CDK5RAP2: variants seen among roughly 807,000 people sequenced by gnomAD.
The protein encoded by CDK5RAP2 is CDK5 regulatory subunit associated protein 2.
A neutral mutation model predicts 232.9 loss-of-function variants in CDK5RAP2; 147 were observed. The ratio of observed to expected loss-of-function variants is 0.63; its 90% confidence interval spans 0.55 to 0.72. The LOEUF (loss-of-function observed/expected upper bound fraction) is 0.72, where lower values mean the gene tolerates loss of function less well. Among genes scored for constraint, CDK5RAP2 ranks in the 30% least tolerant of loss-of-function variants. CDK5RAP2 has a pLI of 0.00. For missense variants in CDK5RAP2, 2,195 were observed against 2,231.5 expected, an observed-to-expected ratio of 0.98 and a Z score of 0.33; for synonymous variants, 833 against 833.7, an observed-to-expected ratio of 1.00 and a Z score of 0.01.
intron 7 of CDK5RAP2, among the ~76,000 whole-genome samples, chr9:120,534,327 C>T (rs1414205960): frequency 6.6e-6 from 1 of 152,178 alleles, no homozygotes; most frequent in Non-Finnish European, 1.5e-5. Flanking sequence ...TTTCCTTTCT[C>T]TGTCCAAGTA....
intron 7 of CDK5RAP2, among the ~76,000 whole-genome samples, chr9:120,533,096 C>A (rs2041226900): frequency 6.6e-6 from 1 of 152,156 alleles, no homozygotes. Flanking sequence ...CATTCCACGC[C>A]CAGGCAGAGC....
In CDK5RAP2 at chr9:120,465,833, C is replaced by T. The variant is rs116135014; in HGVS notation, c.2106+2027G>A. On this transcript the variant is annotated intron_variant, in intron 18 of 37. Transcript: ENST00000349780. ...CAGCAGTGAGGCAGTTAAGTTTCAG[C>T]ACATTCATAAGAAGGAATGAGATGC... Among the ~76,000 whole-genome samples, 816 of 152,214 alleles carry T rather than the reference C, an allele frequency of 5.4e-3. 9 individuals carry two copies. Among genetic ancestry groups the T allele is most frequent in the African/African-American group, 0.018 (747 of 41,542 alleles).
At chr9:120,408,959 C>T (rs560910970) in intron 30 of CDK5RAP2, among the ~76,000 whole-genome samples, 168 bp downstream of exon 30, 2 of 152,384 alleles carry the variant, frequency 1.3e-5, no homozygotes, top group South Asian at 2.1e-4. Context: ...CTCCTCCTTA[C>T]AGGATCTTTC....
chr9:120,528,649 A>C, intron 9 of CDK5RAP2, 95 bp downstream of exon 9: 1 of 791,322 alleles, frequency 1.3e-6, no homozygotes, highest in Admixed American at 1.9e-5. Context: ...AGTGACAGCT[A>C]CTGTGACACA....
intron 1 of CDK5RAP2, among the ~76,000 whole-genome samples, chr9:120,579,661 A>G (rs1190602480): frequency 6.6e-6 from 1 of 152,160 alleles, no homozygotes; most frequent in Non-Finnish European, 1.5e-5. Flanking sequence ...ACTCTTTCAG[A>G]AAACTCCTTA....
intron 6 of CDK5RAP2, 37 bp downstream of exon 6, chr9:120,539,004 A>C (rs962334204): frequency 1.5e-5 from 24 of 1,610,338 alleles, no homozygotes; most frequent in Non-Finnish European, 2.0e-5. Flanking sequence ...TTAACCCACT[A>C]TAAGAAATAC....
At chr9:120,548,638 T>G (rs570403595) in intron 4 of CDK5RAP2, among the ~76,000 whole-genome samples, 1 of 151,968 alleles carries the variant, frequency 6.6e-6, no homozygotes, top group East Asian at 1.9e-4. Context: ...CAAGACCCCA[T>G]CTCTACAAAA....
At position 120,497,227 on chromosome 9, in the gene CDK5RAP2, G is replaced by T. The variant is rs1270793298; in HGVS notation, c.1312-5750C>A. Among the ~76,000 whole-genome samples, 6 of 131,782 alleles carry T rather than the reference G, an allele frequency of 4.6e-5. 1 individual carries two copies. The highest frequency in any genetic ancestry group is 2.1e-4 in the African/African-American group (6 of 28,506). 86.5% of individuals were successfully genotyped at this position (131,782 alleles called of 152,430 possible). A position where few individuals can be genotyped will look rare whatever the true frequency, so the allele number is the denominator to read the frequency against. ...CTTGAAGGCAGCATGCTCGTTAAGAGTCACCACCACTCCCTAATCTCAAGT... is the reference window on the plus strand; with the variant it reads ...CTTGAAGGCAGCATGCTCGTTAAGATTCACCACCACTCCCTAATCTCAAGT... On this transcript the variant is annotated intron_variant, in intron 12 of 37. Coordinates refer to ENST00000349780, the MANE Select transcript of CDK5RAP2 (RefSeq NM_018249.6).
At chr9:120,455,369 T>TG in intron 20 of CDK5RAP2, among the ~76,000 whole-genome samples, 1 of 126,566 alleles carries the variant, frequency 7.9e-6, no homozygotes, top group South Asian at 2.5e-4. Flanking sequence ...GTACAACACG[T>TG]TAAAAAAAAA....
Position 120,439,568 on chromosome 9 carries a change from T to C in CDK5RAP2, c.3553A>G (p.Ile1185Val), listed in dbSNP as rs1421450342. ...HQVRYVKHVK[I>V]LGPLAPEMID... is the part of the protein sequence containing the mutation. ...ATCTCTGGGGCCAGCGGACCGAGGA[T>C]TTTCACGTGTTTCACGTATCGCACT... Residue 1185 changes from isoleucine to valine, a missense_variant, in exon 24 of 38, where the codon ATC becomes GTC. By Grantham distance (29) the Ile-to-Val change is conservative. Coordinates refer to ENST00000349780, the MANE Select transcript of CDK5RAP2 (RefSeq NM_018249.6). 6.2e-7 allele frequency: 1 copy of C among 1,614,066 alleles called. No individual in the cohort carries two copies. The highest frequency in any genetic ancestry group is 8.5e-7 in the Non-Finnish European group (1 of 1,180,042).
At chr9:120,486,454 C>A (rs1267077629) in intron 14 of CDK5RAP2, among the ~76,000 whole-genome samples, 10 of 150,316 alleles carry the variant, frequency 6.7e-5, no homozygotes, top group Admixed American at 5.3e-4. Flanking sequence ...TAATTCTTTT[C>A]CTTTCCCACA....
intron 24 of CDK5RAP2, among the ~76,000 whole-genome samples, chr9:120,438,099 C>G (rs1037986137): frequency 6.6e-6 from 1 of 152,182 alleles, no homozygotes; most frequent in Non-Finnish European, 1.5e-5. Flanking sequence ...AAACTGACTG[C>G]AAAGCTAATT....
intron 5 of CDK5RAP2, among the ~76,000 whole-genome samples, chr9:120,540,676 G>T (rs2041593457): frequency 6.6e-6 from 1 of 152,154 alleles, no homozygotes; most frequent in South Asian, 2.1e-4. Flanking sequence ...GTCCTCAGTG[G>T]GACTCTGGGT....
At chr9:120,485,175 T>C (rs185184322) in intron 14 of CDK5RAP2, among the ~76,000 whole-genome samples, 1 of 152,314 alleles carries the variant, frequency 6.6e-6, no homozygotes, top group East Asian at 1.9e-4. Flanking sequence ...TTTGTGGTCA[T>C]GTGAAGTACA....
In CDK5RAP2 at chr9:120,491,388, T is replaced by A. The variant is rs1225367644; in HGVS notation, c.1401A>T (p.Glu467Asp). 6.2e-7 allele frequency: 1 copy of A among 1,612,562 alleles called. No individual in the cohort carries two copies. The highest frequency in any genetic ancestry group is 8.5e-7 in the Non-Finnish European group (1 of 1,178,832). Residue 467 changes from glutamate to aspartate, a missense_variant, in exon 13 of 38, where the codon GAA (glutamate) becomes GAT (aspartate). Transcript: ENST00000349780. ...CTTGATTGTGCAATTTTTTATTGCTTTCACTCAGAAGACTCTTGTAACGAT... is the reference window on the plus strand; with the variant it reads ...CTTGATTGTGCAATTTTTTATTGCTATCACTCAGAAGACTCTTGTAACGAT... Reference protein sequence around the residue: ...MENRYKSLLSESNKKLHNQEQ... With the variant: ...MENRYKSLLSDSNKKLHNQEQ...
At chr9:120,440,891 G>C (rs1163435887) in intron 23 of CDK5RAP2, among the ~76,000 whole-genome samples, 1 of 152,178 alleles carries the variant, frequency 6.6e-6, no homozygotes, top group Non-Finnish European at 1.5e-5. Flanking sequence ...TGGCTTCCAG[G>C]AGATGCCCTG....
chr9:120,533,047 CA>C (rs1205871725), intron 7 of CDK5RAP2, among the ~76,000 whole-genome samples: 1 of 152,182 alleles, frequency 6.6e-6, no homozygotes, highest in Non-Finnish European at 1.5e-5. Context: ...AAAGCGTCCT[CA>C]CCCAACTCGC....
chr9:120,493,790 G>C (rs572776773), intron 12 of CDK5RAP2, among the ~76,000 whole-genome samples: 2 of 152,154 alleles, frequency 1.3e-5, no homozygotes, highest in Non-Finnish European at 1.5e-5. Context: ...AAAAAGGAGG[G>C]AGAACCTGCT....
intron 3 of CDK5RAP2, among the ~76,000 whole-genome samples, chr9:120,553,039 A>G (rs1403976255): frequency 6.6e-6 from 1 of 152,234 alleles, no homozygotes; most frequent in Non-Finnish European, 1.5e-5. Context: ...GGGGGAAAAA[A>G]TAGTATATTA....
Sources: allele counts gnomAD v4.1 joint callset (sites outside exome capture counted in the v4.1 genomes callset), GRCh38; gene constraint gnomAD v4.1.1; transcripts MANE v1.5; gene names NCBI Gene and HGNC (gene_info 2026-07-23, HGNC 2026-07-21).